The following PSTPIP2 variants were observed in gnomAD, a reference collection of about 807,000 sequenced individuals.
The protein encoded by PSTPIP2 is proline-serine-threonine phosphatase interacting protein 2.
Under a neutral mutation model 63.3 loss-of-function variants are expected in PSTPIP2, and 33 were observed. The ratio of observed to expected loss-of-function variants is 0.52; its 90% CI spans 0.40 to 0.70. PSTPIP2 has a LOEUF of 0.70. Among genes scored for constraint, PSTPIP2 ranks in the 30% least tolerant of loss-of-function variants. The probability of loss-of-function intolerance (pLI) is 0.00; values close to 1 mark genes in which losing one functional copy is unlikely to be tolerated. For missense variants in PSTPIP2, 312 were observed against 400.7 expected, an observed-to-expected ratio of 0.78 and a Z score of 1.89; for synonymous variants, 125 against 132.7, an observed-to-expected ratio of 0.94 and a Z score of 0.40.
chr18:46,061,674 A>C (rs1372970178), intron 1 of PSTPIP2, among the ~76,000 whole-genome samples: 1 of 152,232 alleles, frequency 6.6e-6, no homozygotes. Flanking sequence ...CACAGGACAA[A>C]TCAACAGTGC....
chr18:46,024,053 TA>T (rs911635615), intron 3 of PSTPIP2, among the ~76,000 whole-genome samples: 86 of 152,026 alleles, frequency 5.7e-4, no homozygotes, highest in Non-Finnish European at 1.1e-3. Flanking sequence ...TTGAAAATAA[TA>T]AAAAAAATTA....
intron 1 of PSTPIP2, among the ~76,000 whole-genome samples, chr18:46,063,297 G>A (rs879828649): frequency 3.3e-5 from 5 of 152,056 alleles, no homozygotes; most frequent in African/African-American, 4.8e-5. Flanking sequence ...GAGCCACAGC[G>A]CCCAATCATA....
chr18:45,988,917 G>A (rs941665545), intron 13 of PSTPIP2, among the ~76,000 whole-genome samples, 158 bp from the exon 14 acceptor site: 1 of 152,116 alleles, frequency 6.6e-6, no homozygotes, highest in Non-Finnish European at 1.5e-5. Flanking sequence ...TGGTAGTCAC[G>A]ACTCCAAACC....
chr18:46,007,825 C>T (rs1411662403), intron 5 of PSTPIP2, among the ~76,000 whole-genome samples: 1 of 152,192 alleles, frequency 6.6e-6, no homozygotes, highest in African/African-American at 2.4e-5. Context: ...GGCTTTGAAA[C>T]TTGGTAGGAA....
intron 9 of PSTPIP2, among the ~76,000 whole-genome samples, chr18:45,994,526 G>A (rs959908289): frequency 2.6e-5 from 4 of 152,116 alleles, no homozygotes; most frequent in Admixed American, 6.5e-5. Context: ...CACAGTTTCT[G>A]ATTCAATTTC....
intron 2 of PSTPIP2, among the ~76,000 whole-genome samples, chr18:46,035,729 T>C (rs558383506): frequency 9.9e-5 from 15 of 152,276 alleles, no homozygotes; most frequent in African/African-American, 3.4e-4. Context: ...TTTTTGCCAG[T>C]GTTGATGAGT....
intron 3 of PSTPIP2, among the ~76,000 whole-genome samples, chr18:46,017,243 T>C (rs1451598317): frequency 6.6e-6 from 1 of 152,202 alleles, no homozygotes; most frequent in Non-Finnish European, 1.5e-5. Flanking sequence ...TCTGGCTTCA[T>C]CATTGCTATT....
chr18:45,990,485 A>C (rs1210449557), intron 13 of PSTPIP2, among the ~76,000 whole-genome samples: 1 of 152,038 alleles, frequency 6.6e-6, no homozygotes, highest in Non-Finnish European at 1.5e-5. Context: ...GCTGGAGTGC[A>C]GTGGTGCAAT....
At chr18:45,997,314 G>GA (rs1238929199) in intron 9 of PSTPIP2, among the ~76,000 whole-genome samples, 1 of 152,042 alleles carries the variant, frequency 6.6e-6, no homozygotes, top group Non-Finnish European at 1.5e-5. Flanking sequence ...TCAGCCTCTA[G>GA]AATAGCTGGG....
intron 12 of PSTPIP2, among the ~76,000 whole-genome samples, chr18:45,991,312 G>C (rs72642432): frequency 1.3e-5 from 2 of 151,932 alleles, no homozygotes; most frequent in African/African-American, 4.8e-5. Flanking sequence ...GAACGGCAGC[G>C]AACTTTTTGA....
At chr18:46,048,205 A>AT (rs141548522) in intron 1 of PSTPIP2, among the ~76,000 whole-genome samples, 3,089 of 152,250 alleles carry the variant, frequency 0.02, 99 homozygotes, top group African/African-American at 0.071. Context: ...AGAGAAAGAG[A>AT]TTTTAAGATG....
intron 1 of PSTPIP2, among the ~76,000 whole-genome samples, chr18:46,057,593 G>A (rs1908808720): frequency 1.3e-5 from 2 of 151,990 alleles, no homozygotes; most frequent in South Asian, 2.1e-4. Context: ...ATCTCCCAAA[G>A]CACTGGGATT....
chr18:46,068,597 C>T (rs996644315), intron 1 of PSTPIP2, among the ~76,000 whole-genome samples: 3 of 151,596 alleles, frequency 2.0e-5, no homozygotes, highest in East Asian at 2.0e-4. Flanking sequence ...CATGCCCGGC[C>T]GGCTTACACC....
At chr18:46,000,976 C>T (rs2051658985) in intron 6 of PSTPIP2, among the ~76,000 whole-genome samples, 1 of 152,122 alleles carries the variant, frequency 6.6e-6, no homozygotes, top group Admixed American at 6.5e-5. Context: ...CACATATACA[C>T]AATGGAACAC....
chr18:46,016,068 C>T, intron 3 of PSTPIP2, 131 bp from the exon 4 acceptor site: 1 of 993,528 alleles, frequency 1.0e-6, no homozygotes, highest in Non-Finnish European at 1.5e-6. Flanking sequence ...TGCCCATGAG[C>T]TAGAGAGACA....
intron 1 of PSTPIP2, among the ~76,000 whole-genome samples, chr18:46,049,998 TA>T (rs1908532193): frequency 1.3e-5 from 2 of 152,144 alleles, no homozygotes; most frequent in African/African-American, 4.8e-5. Context: ...GAATCAATAT[TA>T]ATAATCAAAT....
At chr18:45,998,704 G>A in intron 8 of PSTPIP2, 90 bp downstream of exon 8, 1 of 1,296,634 alleles carries the variant, frequency 7.7e-7, no homozygotes, top group Non-Finnish European at 1.1e-6. Flanking sequence ...TCTCTTTAAG[G>A]TATATAAAAC....
At chr18:45,987,482 C>T (rs2051479860) in intron 14 of PSTPIP2, among the ~76,000 whole-genome samples, 2 of 144,902 alleles carry the variant, frequency 1.4e-5, no homozygotes, top group South Asian at 4.3e-4. Context: ...AATGCGAAGA[C>T]GTGTAGTTCA....
At chr18:46,013,563 A>C (rs1236305924) in intron 4 of PSTPIP2, among the ~76,000 whole-genome samples, 1 of 151,938 alleles carries the variant, frequency 6.6e-6, no homozygotes, top group Non-Finnish European at 1.5e-5. Context: ...TCTGCTTGTC[A>C]TCACATTAGA....
Sources: gnomAD v4.1 joint callset for allele counts (sites outside exome capture counted in the v4.1 genomes callset) on GRCh38, gnomAD v4.1.1 for gene constraint, MANE v1.5 for transcripts, NCBI Gene and HGNC (gene_info 2026-07-23, HGNC 2026-07-21) for gene names.